Variants in GSE1 observed in about 807,000 individuals in gnomAD.
GSE1 encodes the protein genetic suppressor element 1.
Under a neutral mutation model 112.6 loss-of-function variants are expected in GSE1, and 32 were observed. That is an observed-to-expected ratio of 0.28 (90% CI 0.21 to 0.38). GSE1 has a LOEUF of 0.38. GSE1 is among the 10% of genes least tolerant of loss of function. The pLI, the probability that GSE1 is intolerant of heterozygous loss-of-function variation, is 1.00. For synonymous variants in GSE1, 1,115 were observed against 735.6 expected (o/e 1.52, Z -8.35); for missense variants, 2,348 against 1,699.2 (o/e 1.38, Z -6.71).
At chr16:85,250,082 G>T (rs980718896) in intron 1 of GSE1, among the ~76,000 whole-genome samples, 2 of 152,228 alleles carry the variant, frequency 1.3e-5, no homozygotes, top group Admixed American at 6.5e-5. Flanking sequence ...TGCGGTGTTG[G>T]TCTGCGGCGG....
At chr16:85,191,665 A>G (rs2074824724) in intron 1 of GSE1, among the ~76,000 whole-genome samples, 1 of 152,200 alleles carries the variant, frequency 6.6e-6, no homozygotes, top group Admixed American at 6.5e-5. Context: ...CCCGGCATGA[A>G]CATCCCCCGG....
chr16:85,662,529 C>T (rs185700711), intron 9 of GSE1: 227 of 155,586 alleles, frequency 1.5e-3, no homozygotes, highest in African/African-American at 5.2e-3. Flanking sequence ...GATACCCCAG[C>T]GCCCCTGGGC....
At chr16:85,570,686 G>A (rs974977688) in intron 1 of GSE1, among the ~76,000 whole-genome samples, 2 of 152,194 alleles carry the variant, frequency 1.3e-5, no homozygotes, top group African/African-American at 4.8e-5. Context: ...TGTTCTCCTT[G>A]CCCTGGTTTG....
chr16:85,423,351 C>T lies in GSE1; in HGVS notation c.2464+65708C>T, dbSNP rs137986377. The stretch of plus-strand genomic sequence containing the variant: ...TCACCCATCGCTGCCTCGGGGGCTC[C>T]ACCCAGCTGCTGCTCTGCCGTGGCC... On this transcript the variant is annotated intron_variant, in intron 2 of 2. Coordinates refer to the GSE1 transcript ENST00000637419. Among the ~76,000 whole-genome samples the T allele has an allele frequency of 3.4e-3, 522 of 152,322 alleles. 2 individuals carry two copies. The highest frequency in any genetic ancestry group is 0.012 in the African/African-American group (502 of 41,572).
intron 1 of GSE1, among the ~76,000 whole-genome samples, chr16:85,325,936 A>AG (rs1269154230): frequency 6.6e-6 from 1 of 151,052 alleles, no homozygotes; most frequent in Non-Finnish European, 1.5e-5. Flanking sequence ...TTTAGTAGAG[A>AG]GGGGGTTTCA....
At chr16:85,662,895 G>A in intron 9 of GSE1, 86 bp from the exon 10 acceptor site, 1 of 940,628 alleles carries the variant, frequency 1.1e-6, no homozygotes, top group Admixed American at 1.8e-5. Flanking sequence ...CCTGATAGGT[G>A]CTCTGCACAC....
intron 1 of GSE1, among the ~76,000 whole-genome samples, chr16:85,296,999 G>A (rs1024996513): frequency 6.6e-6 from 1 of 152,198 alleles, no homozygotes; most frequent in East Asian, 1.9e-4. Context: ...GTGCCTGCTG[G>A]GTGTGGACTG....
intron 3 of GSE1, among the ~76,000 whole-genome samples, chr16:85,650,971 T>G (rs73253208): frequency 0.11 from 15,846 of 150,336 alleles, 2,262 homozygotes; most frequent in African/African-American, 0.32. Flanking sequence ...ACAGGGCATG[T>G]CCCGCCTGTC....
chr16:85,444,971 C>T (rs949037328), intron 2 of GSE1, among the ~76,000 whole-genome samples: 5 of 152,192 alleles, frequency 3.3e-5, no homozygotes, highest in Admixed American at 1.3e-4. Flanking sequence ...CCAGGTGTGT[C>T]GCCGGCTCCG....
At chr16:85,284,107 C>T (rs541102594) in intron 1 of GSE1, among the ~76,000 whole-genome samples, 2 of 152,348 alleles carry the variant, frequency 1.3e-5, no homozygotes, top group East Asian at 3.9e-4. Flanking sequence ...TGCCTGCCAG[C>T]CTTCAGAGGC....
intron 2 of GSE1, among the ~76,000 whole-genome samples, chr16:85,502,116 C>G (rs1036661490): frequency 2.6e-5 from 4 of 152,142 alleles, no homozygotes; most frequent in African/African-American, 7.2e-5. Context: ...GCTGCAGGCG[C>G]TGAGCCTGAG....
intron 2 of GSE1, among the ~76,000 whole-genome samples, chr16:85,517,512 G>A (rs2051990557): frequency 1.3e-5 from 2 of 152,222 alleles, no homozygotes; most frequent in Non-Finnish European, 2.9e-5. Flanking sequence ...GCTTCCACCT[G>A]CTCTCAGGCC....
intron 1 of GSE1, among the ~76,000 whole-genome samples, chr16:85,585,094 G>GA (rs201267930): frequency 1.5e-4 from 22 of 150,984 alleles, no homozygotes; most frequent in Non-Finnish European, 3.1e-4. Flanking sequence ...TCTAAAAGGT[G>GA]AAAAAAAAAG....
chr16:85,404,021 C>T (rs1240059783), intron 2 of GSE1, among the ~76,000 whole-genome samples: 4 of 151,270 alleles, frequency 2.6e-5, no homozygotes, highest in Admixed American at 2.0e-4. Flanking sequence ...GCCGTCCTTA[C>T]GGGGCCTTTC....
At chr16:85,495,896 G>C (rs1462940850) in intron 2 of GSE1, among the ~76,000 whole-genome samples, 1 of 152,192 alleles carries the variant, frequency 6.6e-6, no homozygotes, top group African/African-American at 2.4e-5. Flanking sequence ...GCCTGCCAGA[G>C]CAGCTTGTCC....
Position 85,661,569 on chromosome 16 carries a change from G to A in GSE1, c.2064G>A (p.Gln688=), listed in dbSNP as rs2052435601. The A allele has an allele frequency of 1.2e-6, 2 of 1,610,986 alleles. No individual in the cohort carries two copies. Among genetic ancestry groups the A allele is most frequent in the African/African-American group, 1.3e-5 (1 of 75,034 alleles). ...AGTCCACCCAGACCATCCTGGGCCA[G>A]CAGCGGGCCTCCCTCCCACAGGCGG... is the stretch of plus-strand genomic sequence containing the variant. The part of the protein sequence containing the change: ...LEKSTQTILG[Q]QRASLPQAAT... Residue 688 remains glutamine, a synonymous_variant, in exon 9 of 16, where the codon CAG becomes CAA. Coordinates refer to ENST00000253458, the MANE Select transcript of GSE1 (RefSeq NM_014615.5).
intron 2 of GSE1, among the ~76,000 whole-genome samples, chr16:85,527,187 G>A (rs1267624445): frequency 1.3e-5 from 2 of 152,196 alleles, no homozygotes; most frequent in East Asian, 1.9e-4. Flanking sequence ...CTTCCCCCTC[G>A]TGAGGAACCG....
chr16:85,234,392 G>A (rs1052010436), intron 1 of GSE1, among the ~76,000 whole-genome samples: 1 of 152,136 alleles, frequency 6.6e-6, no homozygotes, highest in Non-Finnish European at 1.5e-5. Flanking sequence ...CAGGTTCTCC[G>A]GCTCATGGAA....
intron 1 of GSE1, among the ~76,000 whole-genome samples, chr16:85,618,012 C>T (rs962434182): frequency 6.6e-6 from 1 of 152,166 alleles, no homozygotes; most frequent in Non-Finnish European, 1.5e-5. Flanking sequence ...GTCATTCTTG[C>T]CTGGCCCAGG....
Sources: allele counts gnomAD v4.1 joint callset (sites outside exome capture counted in the v4.1 genomes callset), GRCh38; gene constraint gnomAD v4.1.1; transcripts MANE v1.5; gene names NCBI Gene and HGNC (gene_info 2026-07-23, HGNC 2026-07-21).